XKR7: variants seen among roughly 807,000 people sequenced by gnomAD.
XKR7 encodes the protein XK related 7.
In XKR7, 11 loss-of-function variants were observed where a neutral mutation model predicts 42.2. The ratio of observed to expected loss-of-function variants is 0.26; its 90% CI spans 0.16 to 0.43. The LOEUF (loss-of-function observed/expected upper bound fraction) is 0.43. XKR7 is among the 20% of genes least tolerant of loss of function. XKR7 has a pLI of 1.00. For missense variants in XKR7, 710 were observed against 802.2 expected (o/e 0.89, Z 1.39); for synonymous variants, 346 against 366.4 (o/e 0.94, Z 0.64).
At chr20:31,978,949 A>G (rs1163534703) in intron 1 of XKR7, among the ~76,000 whole-genome samples, 1 of 152,126 alleles carries the variant, frequency 6.6e-6, no homozygotes, top group African/African-American at 2.4e-5. Flanking sequence ...AGCCTGGCCA[A>G]CATGGTGAAA....
intron 1 of XKR7, among the ~76,000 whole-genome samples, chr20:31,989,284 C>CA (rs60826834): frequency 6.6e-6 from 1 of 150,796 alleles, no homozygotes; most frequent in African/African-American, 2.4e-5. Flanking sequence ...CACCCCCCCC[C>CA]CAGCGCATCT....
intron 1 of XKR7, among the ~76,000 whole-genome samples, chr20:31,988,441 G>T (rs2064553045): frequency 6.6e-6 from 1 of 152,146 alleles, no homozygotes; most frequent in African/African-American, 2.4e-5. Context: ...TTGGGTCCCT[G>T]ACAGGAGGGA....
At chr20:31,979,769 C>A (rs1013023112) in intron 1 of XKR7, among the ~76,000 whole-genome samples, 29 of 152,152 alleles carry the variant, frequency 1.9e-4, no homozygotes, top group Non-Finnish European at 4.3e-4. Context: ...CCCCCTCCCC[C>A]ACTGGCTTAT....
chr20:31,969,963 G>T (rs2064456861), intron 1 of XKR7, among the ~76,000 whole-genome samples: 2 of 152,162 alleles, frequency 1.3e-5, no homozygotes, highest in Non-Finnish European at 2.9e-5. Flanking sequence ...GGACTCCTAG[G>T]GTTTGTCCCA....
Position 31,996,587 on chromosome 20 carries a change from C to A in XKR7, c.870C>A (p.Asp290Glu), listed in dbSNP as rs748357069. ...AGGTGCTGCGGGACTCGCGGGACGACAAGCGGCCGCTGTCCTACAAGGGCG... is the reference window on the plus strand; with the variant it reads ...AGGTGCTGCGGGACTCGCGGGACGAAAAGCGGCCGCTGTCCTACAAGGGCG... ...YQKVLRDSRD[D>E]KRPLSYKGAV... Residue 290 changes from aspartate to glutamate, a missense_variant, in exon 3 of 3, where the codon GAC becomes GAA. Asp to Glu is a conservative substitution (Grantham distance 45). Coordinates refer to ENST00000562532, the MANE Select transcript of XKR7 (RefSeq NM_001011718.2). 6.5e-7 allele frequency: 1 copy of A among 1,545,518 alleles called. No homozygotes were observed. The highest frequency in any genetic ancestry group is 2.0e-5 in the Admixed American group (1 of 49,204).
intron 1 of XKR7, among the ~76,000 whole-genome samples, chr20:31,977,726 G>C (rs2064492049): frequency 6.6e-6 from 1 of 152,276 alleles, no homozygotes; most frequent in Non-Finnish European, 1.5e-5. Flanking sequence ...GTTGTTCTAT[G>C]GCTCCAGAGA....
chr20:31,992,415 T>C lies in XKR7; in HGVS notation c.585-2653T>C, dbSNP rs752390. ...TATCAGAAGAAATACAATCCAGACC[T>C]GGAGCTGCTCAGAAGCTGAGGTCCC... On this transcript the variant is annotated intron_variant, in intron 1 of 2. Transcript: ENST00000562532. 3.7e-3 allele frequency among the ~76,000 whole-genome samples: 562 copies of C among 152,280 alleles called. 1 individual carries two copies. Among genetic ancestry groups the C allele is most frequent in the African/African-American group, 0.012 (507 of 41,552 alleles).
chr20:31,989,681 A>G (rs749381534), intron 1 of XKR7, among the ~76,000 whole-genome samples: 8 of 152,138 alleles, frequency 5.3e-5, no homozygotes, highest in Non-Finnish European at 1.0e-4. Flanking sequence ...TGGTGCAGTC[A>G]TGGCTGACTG....
intron 1 of XKR7, among the ~76,000 whole-genome samples, chr20:31,990,750 G>A (rs1471958799): frequency 6.6e-6 from 1 of 151,788 alleles, no homozygotes; most frequent in African/African-American, 2.4e-5. Context: ...TTTTGATTCT[G>A]TAGTTTTTCC....
At position 31,997,320 on chromosome 20, in the gene XKR7, T is replaced by C. The variant is rs1331229765; in HGVS notation, c.1603T>C (p.Trp535Arg). ...IDLPRKKYPAWDAHFIDRRLR... is the reference protein window; with the variant it reads ...IDLPRKKYPARDAHFIDRRLR... The stretch of plus-strand genomic sequence containing the variant: ...CTTGCCTCGCAAGAAGTACCCGGCC[T>C]GGGATGCTCATTTTATTGACCGCCG... The change falls in exon 3 of 3, where the codon TGG (tryptophan) becomes CGG (arginine). Residue 535 changes from tryptophan (W) to arginine (R), a missense_variant. Transcript: ENST00000562532. 6.2e-7 allele frequency: 1 copy of C among 1,610,580 alleles called. No individual in the cohort carries two copies. Among genetic ancestry groups the C allele is most frequent in the Non-Finnish European group, 8.5e-7 (1 of 1,179,990 alleles).
rs976415582 is a variant in XKR7, at chr20:31,997,828, C to T, written c.*371C>T. 4.1e-6 allele frequency: 1 copy of T among 246,858 alleles called. No individual in the cohort carries two copies. The highest frequency in any genetic ancestry group is 2.2e-5 in the African/African-American group (1 of 44,900). The allele number at this position is 246,858 out of a possible 1,614,324, so 15.3% of individuals were successfully genotyped here. On this transcript the variant is annotated 3_prime_UTR_variant, in exon 3 of 3. Transcript: ENST00000562532. ...AAAGGGCACTGTCTGGGGTCCATGA[C>T]CTAGACCCTGTGCTCCTCAGGGGTT...
At position 31,999,042 on chromosome 20, in the gene XKR7, C is replaced by CCCCCACA. The variant is rs2064611325; in HGVS notation, c.*1586_*1587insCCCACAC. On this transcript the variant is annotated 3_prime_UTR_variant, in exon 3 of 3. Transcript: ENST00000562532. Reference sequence around the variant, plus strand: ...GGAACCCAACCCACCCCCCACCCCCCCACACACACACTCCCACAGCAACTT... The same window carrying CCCCCACA: ...GGAACCCAACCCACCCCCCACCCCCCCCCCACACACACACACACTCCCACAGCAACTT... 6.9e-6 allele frequency: 1 copy of CCCCCACA among 144,546 alleles called. No homozygotes were observed. Among genetic ancestry groups the CCCCCACA allele is most frequent in the African/African-American group, 2.5e-5 (1 of 40,364 alleles). 9.0% of individuals were successfully genotyped at this position (144,546 alleles called of 1,614,324 possible). A position where few individuals can be genotyped will look rare whatever the true frequency, so the allele number is the denominator to read the frequency against.
At position 31,995,524 on chromosome 20, in the gene XKR7, GC is replaced by G. The variant is rs1600663433; in HGVS notation, c.787+260del. On this transcript the variant is annotated intron_variant, in intron 2 of 2. Transcript: ENST00000562532. This position sits in a 1 kb window ranked among gnomAD's most constrained non-coding sequence, Gnocchi z 4.1. ...CCCTCCACTCCCTCGACACCCATCA[GC>G]CCCCCTGGGCGCTCCTGCCCTCCTC... is the stretch of plus-strand genomic sequence containing the variant. Among the ~76,000 whole-genome samples the G allele has an allele frequency of 1.3e-5, 2 of 151,886 alleles. No homozygotes were observed. Among genetic ancestry groups the G allele is most frequent in the Admixed American group, 6.6e-5 (1 of 15,256 alleles).
intron 1 of XKR7, among the ~76,000 whole-genome samples, chr20:31,980,143 A>AAG (rs1254925692): frequency 6.6e-6 from 1 of 151,670 alleles, no homozygotes; most frequent in Non-Finnish European, 1.5e-5. Flanking sequence ...AAAAAAAAAA[A>AAG]AAAAAAAAGA....
intron 1 of XKR7, among the ~76,000 whole-genome samples, chr20:31,980,683 G>T (rs992546198): frequency 1.3e-5 from 2 of 152,134 alleles, no homozygotes; most frequent in African/African-American, 4.8e-5. Flanking sequence ...CCCACAGCCA[G>T]GATGCTTCCT....
Position 31,978,882 on chromosome 20 carries a change from C to G in XKR7, c.584+10123C>G, listed in dbSNP as rs528883146. On this transcript the variant is annotated intron_variant, in intron 1 of 2. Coordinates refer to ENST00000562532, the MANE Select transcript of XKR7 (RefSeq NM_001011718.2). ...GGGCATGGTGGCTCATGCCTGTAAT[C>G]CCAGCACTTTGGGAGGCCGAGGTGG... is the stretch of plus-strand genomic sequence containing the variant. Among the ~76,000 whole-genome samples the G allele has an allele frequency of 3.3e-5, 5 of 152,290 alleles. No homozygotes were observed. In the East Asian group the frequency reaches 9.7e-4, roughly 29 times the overall value.
chr20:31,989,466 A>T (rs2064559286), intron 1 of XKR7, among the ~76,000 whole-genome samples: 1 of 152,176 alleles, frequency 6.6e-6, no homozygotes, highest in East Asian at 1.9e-4. Flanking sequence ...GACAGGTTTT[A>T]AAAATATCCT....
rs778030051 is a variant in XKR7, at chr20:31,995,663, T to C, written c.787+393T>C. Among the ~76,000 whole-genome samples, 8 of 151,934 alleles carry C rather than the reference T, an allele frequency of 5.3e-5. No homozygotes were observed. Among genetic ancestry groups the C allele is most frequent in the Non-Finnish European group, 1.2e-4 (8 of 67,934 alleles). ...CAACCTGATCCCAGCCTGCATCTCC[T>C]GGGGACCCCCTGCCTCATAGACCTG... is the stretch of plus-strand genomic sequence containing the variant. On this transcript the variant is annotated intron_variant, in intron 2 of 2. Transcript: ENST00000562532. This position sits in a 1 kb window ranked among gnomAD's most constrained non-coding sequence, Gnocchi z 4.1.
chr20:32,002,119 A>G lies in XKR7; in HGVS notation c.*4662A>G, dbSNP rs909832755. On this transcript the variant is annotated 3_prime_UTR_variant, in exon 3 of 3. Transcript: ENST00000562532. ...AAAACTCTAGAGTGGGAGATGTGGA[A>G]GTGGAAAAGGAAGGCCCTGTCCAGG... 1 of 152,282 alleles carries G rather than the reference A, an allele frequency of 6.6e-6. No homozygotes were observed. The highest frequency in any genetic ancestry group is 1.5e-5 in the Non-Finnish European group (1 of 68,180). The allele number at this position is 152,282 out of a possible 1,614,324, so 9.4% of individuals were successfully genotyped here.
Sources: allele counts gnomAD v4.1 joint callset (sites outside exome capture counted in the v4.1 genomes callset), GRCh38; gene constraint gnomAD v4.1.1; non-coding constraint Gnocchi (gnomAD v3.1); transcripts MANE v1.5; gene names NCBI Gene and HGNC (gene_info 2026-07-23, HGNC 2026-07-21).